Variants in PCDHGA4 observed in about 807,000 individuals in gnomAD.
PCDHGA4 encodes protocadherin gamma subfamily A, 4, also known as protocadherin gamma-A4.
PCDHGA4 carries 38 observed loss-of-function variants against 54.6 expected under a neutral mutation model. That is an observed-to-expected ratio of 0.70 (90% CI 0.54 to 0.91). The LOEUF (loss-of-function observed/expected upper bound fraction) is 0.91, where lower values mean the gene tolerates loss of function less well. Ranked by LOEUF, PCDHGA4 falls within the 40% of genes least tolerant of loss-of-function variation. The pLI, the probability that PCDHGA4 is intolerant of heterozygous loss-of-function variation, is 0.00. For synonymous variants in PCDHGA4, 511 were observed against 512.9 expected (o/e 1.00, Z 0.05); for missense variants, 1,298 against 1,220.9 (o/e 1.06, Z -0.94).
In PCDHGA4 at chr5:141,383,648, C is replaced by T. The variant is rs781494472; in HGVS notation, c.2514+26027C>T. 2.5e-6 allele frequency: 4 copies of T among 1,614,034 alleles called. No individual in the cohort carries two copies. The Admixed American group carries it at 6.7e-5, about 27-fold the overall frequency. On this transcript the variant is annotated intron_variant, in intron 1 of 3. Transcript: ENST00000571252. Reference sequence around the variant, plus strand: ...TTCTCTCTGCCTCAGTACCAAGTAACTGTCCCCGAGAATGTGCCAGTGGGT... The same window carrying T: ...TTCTCTCTGCCTCAGTACCAAGTAATTGTCCCCGAGAATGTGCCAGTGGGT...
At chr5:141,365,475 T>C in intron 1 of PCDHGA4, 1 of 1,613,978 alleles carries the variant, frequency 6.2e-7, no homozygotes, top group Non-Finnish European at 8.5e-7. Flanking sequence ...AATGGTGAGA[T>C]TGCATGCTCT....
At chr5:141,360,081 C>T in intron 1 of PCDHGA4, 6 of 1,486,284 alleles carry the variant, frequency 4.0e-6, no homozygotes, top group Admixed American at 2.5e-5. Flanking sequence ...CCGGATTCTG[C>T]CATCCCCGGA....
At chr5:141,478,306 G>A (rs1316502939) in intron 1 of PCDHGA4, 2 of 1,614,056 alleles carry the variant, frequency 1.2e-6, no homozygotes, top group South Asian at 2.2e-5. Flanking sequence ...ACCGAGCCCC[G>A]GTGAGCTCAC....
Position 141,366,209 on chromosome 5 carries a change from C to T in PCDHGA4, c.2514+8588C>T, listed in dbSNP as rs371864119. On this transcript the variant is annotated intron_variant, in intron 1 of 3. Transcript: ENST00000571252. ...GGTTGGGCTGCACACGGGCGAGGTG[C>T]GCACAGCGCGAGCCCTGCTGGACAG... is the stretch of plus-strand genomic sequence containing the variant. The T allele has an allele frequency of 2.5e-6, 4 of 1,613,698 alleles. No individual in the cohort carries two copies. In the African/African-American group the frequency reaches 5.3e-5, roughly 22 times the overall value.
intron 1 of PCDHGA4, chr5:141,374,356 C>T: frequency 1.2e-6 from 2 of 1,614,034 alleles, no homozygotes; most frequent in Non-Finnish European, 1.7e-6. Context: ...GTAGGATAGA[C>T]CGCGAGGAGC....
At chr5:141,420,625 T>C (rs1440415745) in intron 1 of PCDHGA4, among the ~76,000 whole-genome samples, 1 of 152,242 alleles carries the variant, frequency 6.6e-6, no homozygotes, top group Non-Finnish European at 1.5e-5. Flanking sequence ...CTTCATTTAC[T>C]CAATAAAGGA....
At chr5:141,410,403 A>G (rs752705682) in intron 1 of PCDHGA4, 2 of 1,614,028 alleles carry the variant, frequency 1.2e-6, no homozygotes, top group Admixed American at 1.7e-5. Context: ...CTCTGTGTCA[A>G]GTCTGGACCT....
chr5:141,439,012 A>G (rs968054607), intron 1 of PCDHGA4, among the ~76,000 whole-genome samples: 4 of 151,916 alleles, frequency 2.6e-5, no homozygotes, highest in South Asian at 2.1e-4. Context: ...TTTGTTTGTC[A>G]AATTTTGAAA....
chr5:141,485,949 T>C lies in PCDHGA4; in HGVS notation c.2515-8858T>C. Reference sequence around the variant, plus strand: ...GTGTTGGAGAGCGCACCAGCGGGCATGGTGCTCATCCAGCTCAATGCCTCA... The same window carrying C: ...GTGTTGGAGAGCGCACCAGCGGGCACGGTGCTCATCCAGCTCAATGCCTCA... On this transcript the variant is annotated intron_variant, in intron 1 of 3. Transcript: ENST00000571252. This position sits in a 1 kb window ranked among gnomAD's most constrained non-coding sequence, Gnocchi z 5.7. 2 of 1,614,178 alleles carry C rather than the reference T, an allele frequency of 1.2e-6. No individual in the cohort carries two copies.
At position 141,476,112 on chromosome 5, in the gene PCDHGA4, G is replaced by A. The variant is rs1201449171; in HGVS notation, c.2515-18695G>A. 2.5e-6 allele frequency: 4 copies of A among 1,590,646 alleles called. No homozygotes were observed. Among genetic ancestry groups the A allele is most frequent in the Non-Finnish European group, 2.6e-6 (3 of 1,170,830 alleles). ...CCCCGCTGAGAGGAACTGCTTTTGA[G>A]TGAGATGGTCCCAGAGGCCTGGAGG... On this transcript the variant is annotated intron_variant, in intron 1 of 3. Transcript: ENST00000571252. The surrounding 1 kb of genome is among the most constrained non-coding windows in gnomAD (Gnocchi z 7.6).
intron 1 of PCDHGA4, among the ~76,000 whole-genome samples, chr5:141,455,246 G>A (rs2098817522): frequency 6.6e-6 from 1 of 151,962 alleles, no homozygotes; most frequent in Non-Finnish European, 1.5e-5. Context: ...AAAGGTCATA[G>A]TACAATCGCA....
Position 141,485,870 on chromosome 5 carries a change from C to T in PCDHGA4, c.2515-8937C>T. The stretch of plus-strand genomic sequence containing the variant: ...CACCGCAGAGCTCCGGGTATCCGTG[C>T]TGGACGTAAACGACAACGCCCCAGC... On this transcript the variant is annotated intron_variant, in intron 1 of 3. Coordinates refer to ENST00000571252, the MANE Select transcript of PCDHGA4 (RefSeq NM_018917.4). This position sits in a 1 kb window ranked among gnomAD's most constrained non-coding sequence, Gnocchi z 5.7. 6.2e-7 allele frequency: 1 copy of T among 1,614,174 alleles called. No homozygotes were observed. The highest frequency in any genetic ancestry group is 8.5e-7 in the Non-Finnish European group (1 of 1,180,032).
rs1281337319 is a variant in PCDHGA4, at chr5:141,393,186, G to A, written c.2514+35565G>A. ...CTTTGGGGTAGAAATAGAAATAATT[G>A]ATATTAACGATAATAACCCAAAATT... On this transcript the variant is annotated intron_variant, in intron 1 of 3. Transcript: ENST00000571252. 1.2e-6 allele frequency: 2 copies of A among 1,613,188 alleles called. No homozygotes were observed. The highest frequency in any genetic ancestry group is 3.3e-5 in the Admixed American group (2 of 59,998).
At position 141,499,506 on chromosome 5, in the gene PCDHGA4, CA is replaced by C. The variant is rs759983739; in HGVS notation, c.2573+4644del. Among the ~76,000 whole-genome samples, 6 of 152,086 alleles carry C rather than the reference CA, an allele frequency of 3.9e-5. No homozygotes were observed. The South Asian group carries it at 1.0e-3, about 26-fold the overall frequency. On this transcript the variant is annotated intron_variant, in intron 2 of 3. Coordinates refer to ENST00000571252, the MANE Select transcript of PCDHGA4 (RefSeq NM_018917.4). Reference sequence around the variant, plus strand: ...AACTACAGTTTAATATGAAACATTTCAAATATGTACAAAAGTAGAGAGAATG... The same window carrying C: ...AACTACAGTTTAATATGAAACATTTCAATATGTACAAAAGTAGAGAGAATG...
rs774333465 is a variant in PCDHGA4 at position 141,365,744 on chromosome 5, T to A, written c.2514+8123T>A. On this transcript the variant is annotated intron_variant, in intron 1 of 3. Transcript: ENST00000571252. Reference sequence around the variant, plus strand: ...AAACAATCCCAGAGGTGTCTCTATCTTCTCTGTGACAGCCCATGACCCCGA... The same window carrying A: ...AAACAATCCCAGAGGTGTCTCTATCATCTCTGTGACAGCCCATGACCCCGA... 3.7e-6 allele frequency: 6 copies of A among 1,613,660 alleles called. No homozygotes were observed. Among genetic ancestry groups the A allele is most frequent in the Non-Finnish European group, 4.2e-6 (5 of 1,179,882 alleles).
intron 1 of PCDHGA4, chr5:141,389,614 C>T: frequency 1.2e-6 from 2 of 1,613,064 alleles, no homozygotes; most frequent in Non-Finnish European, 1.7e-6. Context: ...GATATGGTGC[C>T]GCACGCTGCA....
chr5:141,419,748 G>T, intron 1 of PCDHGA4: 1 of 1,613,872 alleles, frequency 6.2e-7, no homozygotes, highest in Non-Finnish European at 8.5e-7. Flanking sequence ...CGCATGGTGC[G>T]TGCTTTGGGT....
chr5:141,476,055 GT>G lies in PCDHGA4; in HGVS notation c.2515-18749del. 6.7e-7 allele frequency: 1 copy of G among 1,503,516 alleles called. No homozygotes were observed. Among genetic ancestry groups the G allele is most frequent in the South Asian group, 1.3e-5 (1 of 75,386 alleles). The allele number at this position is 1,503,516 out of a possible 1,614,324, so 93.1% of individuals were successfully genotyped here. ...GCGCCCAAGCGCTAACCCGCTGAAA[GT>G]TTCTCAGCGAAATCTCAGGGACGAT... On this transcript the variant is annotated intron_variant, in intron 1 of 3. Transcript: ENST00000571252. The surrounding 1 kb of genome is among the most constrained non-coding windows in gnomAD (Gnocchi z 7.6).
At chr5:141,488,859 G>A (rs1033425540) in intron 1 of PCDHGA4, among the ~76,000 whole-genome samples, 12 of 152,204 alleles carry the variant, frequency 7.9e-5, no homozygotes, top group African/African-American at 2.9e-4. Context: ...GCAGCACGAA[G>A]TGAGTGGGGA....
Sources: gnomAD v4.1 joint callset for allele counts (sites outside exome capture counted in the v4.1 genomes callset) on GRCh38, gnomAD v4.1.1 for gene constraint, Gnocchi (gnomAD v3.1) non-coding constraint, MANE v1.5 for transcripts, NCBI Gene and HGNC (gene_info 2026-07-23, HGNC 2026-07-21) for gene names.